GTPBP1: variants seen among roughly 807,000 people sequenced by gnomAD.
GTPBP1 encodes the protein GTP binding protein 1.
A neutral mutation model predicts 62.0 loss-of-function variants in GTPBP1; 23 were observed. The ratio of observed to expected loss-of-function variants is 0.37; its 90% confidence interval spans 0.27 to 0.53. The LOEUF (loss-of-function observed/expected upper bound fraction) is 0.53, where lower values mean the gene tolerates loss of function less well. GTPBP1 is among the 20% of genes least tolerant of loss of function. The probability of loss-of-function intolerance (pLI) is 0.89; values close to 1 mark genes in which losing one functional copy is unlikely to be tolerated. For synonymous variants in GTPBP1, 344 were observed against 364.4 expected (o/e 0.94, Z 0.64); for missense variants, 640 against 917.3 (o/e 0.70, Z 3.90).
intron 5 of GTPBP1, among the ~76,000 whole-genome samples, chr22:38,724,047 CAA>C (rs2092714472): frequency 6.6e-6 from 1 of 152,090 alleles, no homozygotes; most frequent in Non-Finnish European, 1.5e-5. Flanking sequence ...CGTCTAGACA[CAA>C]GAGAAATCTG....
At chr22:38,713,396 A>G (rs541358701) in intron 2 of GTPBP1, among the ~76,000 whole-genome samples, 1 of 152,264 alleles carries the variant, frequency 6.6e-6, no homozygotes, top group East Asian at 1.9e-4. Flanking sequence ...GTTGGAGGGA[A>G]TAGAGACTGA....
intron 5 of GTPBP1, chr22:38,722,641 G>A: frequency 1.4e-6 from 2 of 1,446,246 alleles, no homozygotes; most frequent in Non-Finnish European, 1.9e-6. Context: ...AGCATAATTG[G>A]TTCCTTGCCT....
chr22:38,741,379 C>A, downstream of GTPBP1: 1 of 1,095,008 alleles, frequency 9.1e-7, no homozygotes. Flanking sequence ...GAGGGCACTC[C>A]CCTCCCCATG....
At chr22:38,729,304 G>GCC (rs1303780385) in intron 10 of GTPBP1, 158 bp from the exon 11 acceptor site, 3 of 561,208 alleles carry the variant, frequency 5.3e-6, no homozygotes, top group Admixed American at 7.0e-5. Context: ...CATCCCCACT[G>GCC]CCTCCTGTCA....
chr22:38,725,129 C>G (rs912782489), intron 6 of GTPBP1: 3 of 152,334 alleles, frequency 2.0e-5, no homozygotes, highest in Admixed American at 1.3e-4. Context: ...ATGTGATCTT[C>G]AGTACCATCA....
rs1379346121 is a variant in GTPBP1, at chr22:38,729,562, G to T, written c.1817G>T (p.Gly606Val). 1 of 1,601,030 alleles carries T rather than the reference G, an allele frequency of 6.2e-7. No homozygotes were observed. The highest frequency in any genetic ancestry group is 1.1e-5 in the South Asian group (1 of 89,380). Residue 606 changes from glycine (G) to valine (V), a missense_variant, in exon 11 of 12, where the codon GGC becomes GTC. Around this residue, in one of 4 missense-constraint regions of GTPBP1, gnomAD observed 117 missense variants for 107.1 expected, o/e 1.09. Coordinates refer to ENST00000216044, the MANE Select transcript of GTPBP1 (RefSeq NM_004286.5). The stretch of plus-strand genomic sequence containing the variant: ...CCCCTGACGAAACGAGACGAGGGGG[G>T]CCCGTCTGGTGGGCCAGCAGTAGGA... ...KGPLTKRDEG[G>V]PSGGPAVGAP...
chr22:38,721,889 GCAGCCCCTCT>G, intron 5 of GTPBP1, 24 bp downstream of exon 5: 2 of 1,551,972 alleles, frequency 1.3e-6, no homozygotes, highest in Non-Finnish European at 1.8e-6. Context: ...CCAGCTAGCA[GCAGCCCCTCT>G]GATTGGGGCT....
chr22:38,728,359 A>T (rs1296646223), intron 10 of GTPBP1, 198 bp downstream of exon 10: 1 of 574,236 alleles, frequency 1.7e-6, no homozygotes, highest in Non-Finnish European at 3.1e-6. Flanking sequence ...GTGACCATGG[A>T]GAGGAGAAGG....
chr22:38,719,751 G>T (rs1191650043), intron 4 of GTPBP1, among the ~76,000 whole-genome samples: 1 of 151,666 alleles, frequency 6.6e-6, no homozygotes, highest in African/African-American at 2.4e-5. Context: ...TCCTAAAAGT[G>T]AGGCCTGTCT....
chr22:38,714,276 C>G (rs192893421), intron 2 of GTPBP1, among the ~76,000 whole-genome samples: 1 of 151,906 alleles, frequency 6.6e-6, no homozygotes, highest in Non-Finnish European at 1.5e-5. Flanking sequence ...GTCAGGAGTT[C>G]GAGACCAGCC....
At chr22:38,729,796 C>A in intron 11 of GTPBP1, 134 bp downstream of exon 11, 1 of 553,946 alleles carries the variant, frequency 1.8e-6, no homozygotes, top group Non-Finnish European at 2.8e-6. Context: ...CACTGAAGTG[C>A]TCCTAAGAAT....
chr22:38,735,964 G>C (rs986546106), downstream of GTPBP1: 1 of 277,514 alleles, frequency 3.6e-6, no homozygotes, highest in African/African-American at 2.3e-5. Flanking sequence ...GCCAAGACCA[G>C]TCAGGTCCTA....
intron 2 of GTPBP1, among the ~76,000 whole-genome samples, chr22:38,715,534 T>G (rs2092664738): frequency 6.6e-6 from 1 of 152,326 alleles, no homozygotes; most frequent in Non-Finnish European, 1.5e-5. Context: ...CACACAGTCC[T>G]AGAGTGCAGC....
intron 2 of GTPBP1, among the ~76,000 whole-genome samples, chr22:38,714,123 G>A (rs2092655396): frequency 6.6e-6 from 1 of 152,202 alleles, no homozygotes; most frequent in Non-Finnish European, 1.5e-5. Flanking sequence ...GGGAAAGGCT[G>A]AGTGGCCAGC....
chr22:38,714,259 A>G (rs946034553), intron 2 of GTPBP1, among the ~76,000 whole-genome samples: 1 of 152,012 alleles, frequency 6.6e-6, no homozygotes, highest in African/African-American at 2.4e-5. Flanking sequence ...CGGGCAGATC[A>G]CTTGAGGTCA....
downstream of GTPBP1, chr22:38,738,775 G>A (rs1312409391): frequency 6.2e-7 from 1 of 1,611,606 alleles, no homozygotes; most frequent in Non-Finnish European, 8.5e-7. This position sits in a 1 kb window ranked among gnomAD's most constrained non-coding sequence, Gnocchi z 6.6. Flanking sequence ...AGAAAGTCAT[G>A]TCAGGACAGG....
chr22:38,738,319 T>C, downstream of GTPBP1: 3 of 1,471,466 alleles, frequency 2.0e-6, no homozygotes, highest in Middle Eastern at 3.5e-4. The surrounding 1 kb of genome is among the most constrained non-coding windows in gnomAD (Gnocchi z 6.6). Context: ...AGAACACCCC[T>C]CCCCACTCCA....
intron 5 of GTPBP1, chr22:38,723,207 G>T: frequency 9.8e-7 from 1 of 1,019,710 alleles, no homozygotes; most frequent in Non-Finnish European, 1.6e-6. Context: ...CCAAAGGATA[G>T]AAGAAAAGCA....
intron 1 of GTPBP1, among the ~76,000 whole-genome samples, chr22:38,707,232 ACCAATACCACCACTTAC>A (rs1295994880): frequency 6.6e-6 from 1 of 152,262 alleles, no homozygotes; most frequent in East Asian, 1.9e-4. Context: ...AAGATAGAAC[ACCAATACCACCACTTAC>A]ATTTGTAGGA....
Sources: gnomAD v4.1 joint callset for allele counts (sites outside exome capture counted in the v4.1 genomes callset) on GRCh38, gnomAD v4.1.1 for gene constraint, gnomAD v4.1.1 regional missense constraint, Gnocchi (gnomAD v3.1) non-coding constraint, MANE v1.5 for transcripts, NCBI Gene and HGNC (gene_info 2026-07-23, HGNC 2026-07-21) for gene names.